SYT1: variants seen among roughly 807,000 people sequenced by gnomAD.
The protein encoded by SYT1 is synaptotagmin 1.
Under a neutral mutation model 44.8 loss-of-function variants are expected in SYT1, and 8 were observed. The observed-to-expected ratio is 0.18, with a 90% CI of 0.10 to 0.32. The LOEUF (loss-of-function observed/expected upper bound fraction) is 0.32. Among genes scored for constraint, SYT1 ranks in the 10% least tolerant of loss-of-function variants. SYT1 has a pLI of 1.00. For synonymous variants in SYT1, 154 were observed against 188.8 expected (o/e 0.82, Z 1.51); for missense variants, 286 against 509.3 (o/e 0.56, Z 4.22).
At chr12:78,919,158 T>G (rs1876838614) in intron 1 of SYT1, among the ~76,000 whole-genome samples, 1 of 152,058 alleles carries the variant, frequency 6.6e-6, no homozygotes, top group Admixed American at 6.6e-5. Context: ...ATAAAGTTAC[T>G]CCTTTTGTAA....
chr12:78,976,602 G>T (rs1266151100), intron 1 of SYT1: 2 of 152,134 alleles, frequency 1.3e-5, no homozygotes, highest in Admixed American at 6.5e-5. Context: ...CCTTGTAGTA[G>T]GAAAACTCAA....
intron 4 of SYT1, among the ~76,000 whole-genome samples, chr12:79,285,526 A>C (rs561703768): frequency 6.6e-6 from 1 of 152,288 alleles, no homozygotes; most frequent in East Asian, 1.9e-4. Context: ...TGTTCCTAGA[A>C]ATCTAGCTTG....
chr12:78,990,893 C>T (rs528458119), intron 2 of SYT1, among the ~76,000 whole-genome samples: 82 of 152,078 alleles, frequency 5.4e-4, no homozygotes, highest in Admixed American at 1.4e-3. Flanking sequence ...AAGAGAAATA[C>T]GAAAGGCAAG....
chr12:79,315,446 G>T (rs958457171), intron 8 of SYT1, among the ~76,000 whole-genome samples: 2 of 151,986 alleles, frequency 1.3e-5, no homozygotes, highest in Non-Finnish European at 2.9e-5. Context: ...CAAACTCCTG[G>T]CCTCAAACAA....
At chr12:78,966,695 G>T (rs537411527) in intron 1 of SYT1, among the ~76,000 whole-genome samples, 2 of 152,118 alleles carry the variant, frequency 1.3e-5, no homozygotes, top group Admixed American at 1.3e-4. Context: ...CAAAAATTCA[G>T]GCATGTGTGT....
At position 78,895,084 on chromosome 12, in the gene SYT1, T is replaced by C. The variant is rs1210940767; in HGVS notation, c.-217+29975T>C. Among the ~76,000 whole-genome samples, 4 of 151,736 alleles carry C rather than the reference T, an allele frequency of 2.6e-5. No individual in the cohort carries two copies. The East Asian group carries it at 5.8e-4, about 22-fold the overall frequency. On this transcript the variant is annotated intron_variant, in intron 1 of 10. Coordinates refer to ENST00000261205, the MANE Select transcript of SYT1 (RefSeq NM_005639.3). ...AGCTAAAATTAAAAACTAAAAAAAATTGTGACCAAGCCACTATTTTTGATG... is the reference window on the plus strand; with the variant it reads ...AGCTAAAATTAAAAACTAAAAAAAACTGTGACCAAGCCACTATTTTTGATG...
At chr12:79,038,943 A>G (rs1873324336) in intron 2 of SYT1, among the ~76,000 whole-genome samples, 1 of 152,028 alleles carries the variant, frequency 6.6e-6, no homozygotes, top group African/African-American at 2.4e-5. Flanking sequence ...GTCATTCTTG[A>G]AAGTAAGTTA....
intron 7 of SYT1, 135 bp from the exon 8 acceptor site, chr12:79,299,249 A>T (rs1880016917): frequency 2.0e-6 from 2 of 995,416 alleles, no homozygotes; most frequent in South Asian, 1.7e-5. Flanking sequence ...GTCTGAATTT[A>T]AAAAATAACC....
At position 79,213,712 on chromosome 12, in the gene SYT1, G is replaced by T. The variant is rs953556356; in HGVS notation, c.-17-3791G>T. On this transcript the variant is annotated intron_variant, in intron 3 of 10. Transcript: ENST00000261205. ...GGCCGAAGCGGGCGGATCACTTGAGGTCAGGAGTTTGAGACCAGCCTGGCC... is the reference window on the plus strand; with the variant it reads ...GGCCGAAGCGGGCGGATCACTTGAGTTCAGGAGTTTGAGACCAGCCTGGCC... Among the ~76,000 whole-genome samples the T allele has an allele frequency of 4.6e-5, 7 of 152,264 alleles. No homozygotes were observed. The South Asian group carries it at 1.0e-3, about 23-fold the overall frequency.
At chr12:79,288,325 A>C (rs1879410499) in intron 5 of SYT1, among the ~76,000 whole-genome samples, 1 of 152,158 alleles carries the variant, frequency 6.6e-6, no homozygotes, top group African/African-American at 2.4e-5. Flanking sequence ...AGAATGTTGA[A>C]GTGAACATGG....
At chr12:79,413,060 C>A (rs1056415684) in intron 9 of SYT1, among the ~76,000 whole-genome samples, 20 of 152,212 alleles carry the variant, frequency 1.3e-4, no homozygotes, top group African/African-American at 4.8e-4. Context: ...AAGGAAAAAG[C>A]CTCTGGTTCT....
At chr12:78,938,690 T>A (rs1878196164) in intron 1 of SYT1, among the ~76,000 whole-genome samples, 1 of 152,198 alleles carries the variant, frequency 6.6e-6, no homozygotes, top group African/African-American at 2.4e-5. Flanking sequence ...CATGATTTAC[T>A]CATAACACAA....
At chr12:79,387,972 C>A (rs1358968352) in intron 9 of SYT1, among the ~76,000 whole-genome samples, 1 of 152,082 alleles carries the variant, frequency 6.6e-6, no homozygotes, top group East Asian at 1.9e-4. Context: ...CATATGTTAA[C>A]CTTTTTCTTT....
intron 8 of SYT1, among the ~76,000 whole-genome samples, chr12:79,318,521 G>C (rs980071469): frequency 6.6e-6 from 1 of 152,182 alleles, no homozygotes; most frequent in African/African-American, 2.4e-5. Flanking sequence ...AAACATTTAT[G>C]AGTGAAGCGA....
chr12:79,401,573 G>T (rs1885067692), intron 9 of SYT1, among the ~76,000 whole-genome samples: 1 of 151,810 alleles, frequency 6.6e-6, no homozygotes, highest in Admixed American at 6.6e-5. Context: ...TCTGTAGAAA[G>T]AATTTTACTT....
chr12:78,873,165 G>T (rs914259996), intron 1 of SYT1, among the ~76,000 whole-genome samples: 17 of 151,596 alleles, frequency 1.1e-4, no homozygotes, highest in Non-Finnish European at 1.5e-5. Flanking sequence ...GGAGACTCAA[G>T]TGTTGTTACT....
At chr12:79,351,209 C>G (rs1405160265) in intron 8 of SYT1, among the ~76,000 whole-genome samples, 4 of 152,170 alleles carry the variant, frequency 2.6e-5, no homozygotes, top group Non-Finnish European at 5.9e-5. Context: ...TCACAGATTT[C>G]TCCTGCTTCC....
At chr12:78,884,274 T>C (rs1046553822) in intron 1 of SYT1, among the ~76,000 whole-genome samples, 9 of 151,720 alleles carry the variant, frequency 5.9e-5, no homozygotes, top group African/African-American at 2.2e-4. Flanking sequence ...TCTACAGTGA[T>C]TTTTAAATGT....
intron 1 of SYT1, among the ~76,000 whole-genome samples, chr12:78,933,715 A>G (rs1877882089): frequency 6.6e-6 from 1 of 152,180 alleles, no homozygotes; most frequent in African/African-American, 2.4e-5. Flanking sequence ...ATAATTTTTG[A>G]TAATTCATCA....
Sources: gnomAD v4.1 joint callset for allele counts (sites outside exome capture counted in the v4.1 genomes callset) on GRCh38, gnomAD v4.1.1 for gene constraint, MANE v1.5 for transcripts, NCBI Gene and HGNC (gene_info 2026-07-23, HGNC 2026-07-21) for gene names.